Variants in AAMDC observed in about 807,000 individuals in gnomAD.
The protein encoded by AAMDC is mth938 domain-containing protein.
AAMDC carries 16 observed loss-of-function variants against 15.5 expected under a neutral mutation model. The observed-to-expected ratio is 1.03, with a 90% CI of 0.70 to 1.57. The LOEUF is 1.57. AAMDC is among the 40% of genes most tolerant of loss of function. AAMDC has a pLI of 0.00. For missense variants in AAMDC, 141 were observed against 144.9 expected (o/e 0.97, Z 0.14); for synonymous variants, 51 against 51.6 (o/e 0.99, Z 0.05).
intron 2 of AAMDC, among the ~76,000 whole-genome samples, chr11:77,868,290 C>T (rs1223603957): frequency 1.3e-5 from 2 of 151,132 alleles, no homozygotes; most frequent in Non-Finnish European, 2.9e-5. Context: ...CTCCTGACCT[C>T]GTGATCCACC....
chr11:77,882,104 T>G (rs943348993), intron 5 of AAMDC, among the ~76,000 whole-genome samples: 3 of 152,058 alleles, frequency 2.0e-5, no homozygotes, highest in African/African-American at 7.2e-5. Flanking sequence ...ATTGTAGAGA[T>G]AGGGTTGCCC....
downstream of AAMDC, among the ~76,000 whole-genome samples, chr11:77,876,628 G>A (rs1387048573): frequency 1.3e-5 from 2 of 152,054 alleles, no homozygotes; most frequent in African/African-American, 4.8e-5. Context: ...AGTACAGCCC[G>A]TTCAATTCTT....
intron 5 of AAMDC, among the ~76,000 whole-genome samples, chr11:77,899,959 A>C (rs1414999907): frequency 1.3e-5 from 2 of 152,130 alleles, no homozygotes; most frequent in East Asian, 3.8e-4. Context: ...GTAATATTTT[A>C]ATTTTTCTAA....
intron 1 of AAMDC, chr11:77,841,063 G>T: frequency 1.6e-6 from 1 of 625,618 alleles, no homozygotes; most frequent in South Asian, 1.8e-5. Flanking sequence ...CGCATCTGGT[G>T]AGAGCCTTCT....
intron 2 of AAMDC, among the ~76,000 whole-genome samples, chr11:77,847,899 T>C (rs1950208844): frequency 6.6e-6 from 1 of 152,036 alleles, no homozygotes; most frequent in Non-Finnish European, 1.5e-5. Context: ...AAGGTTTAAA[T>C]CCCAGTCCAA....
Position 77,842,564 on chromosome 11 carries a change from A to G in AAMDC, c.68A>G (p.Tyr23Cys). ...AAAGTAAAAGGCTCTAATACAACCT[A>G]TAAGGACTGCAAAGTATGGCCAGGG... ...QMKVKGSNTT[Y>C]KDCKVWPGGS... is the part of the protein sequence containing the mutation. Residue 23 changes from tyrosine (Y) to cysteine (C), a missense_variant, in exon 2 of 4, where the codon TAT (tyrosine) becomes TGT (cysteine). Tyr to Cys is a radical substitution (Grantham distance 194). Coordinates refer to ENST00000393427, the MANE Select transcript of AAMDC (RefSeq NM_024684.4). 1 of 1,614,058 alleles carries G rather than the reference A, an allele frequency of 6.2e-7. No homozygotes were observed.
intron 2 of AAMDC, among the ~76,000 whole-genome samples, chr11:77,864,654 T>C (rs1590969120): frequency 6.6e-6 from 1 of 152,150 alleles, no homozygotes; most frequent in African/African-American, 2.4e-5. Flanking sequence ...TCCTATCTCA[T>C]GTACAATCCA....
chr11:77,861,814 G>A (rs568874009), intron 2 of AAMDC, among the ~76,000 whole-genome samples: 30 of 152,082 alleles, frequency 2.0e-4, no homozygotes, highest in Non-Finnish European at 3.7e-4. Context: ...CATTTGTCCC[G>A]TTCTGCCTGC....
At chr11:77,867,994 G>A (rs1269387019) in intron 2 of AAMDC, among the ~76,000 whole-genome samples, 4 of 151,354 alleles carry the variant, frequency 2.6e-5, no homozygotes, top group Non-Finnish European at 4.4e-5. Context: ...CACCTCATCT[G>A]TCACTCTACA....
chr11:77,901,402 G>C (rs1431945346), downstream of AAMDC: 1 of 1,613,456 alleles, frequency 6.2e-7, no homozygotes, highest in Non-Finnish European at 8.5e-7. Context: ...CACATATTTT[G>C]GCCAACCCCA....
chr11:77,841,784 T>C (rs1296135148), intron 1 of AAMDC, among the ~76,000 whole-genome samples: 2 of 152,172 alleles, frequency 1.3e-5, no homozygotes, highest in African/African-American at 2.4e-5. Flanking sequence ...CCCACCTAGT[T>C]TGCCAATCCA....
chr11:77,888,051 T>C (rs896034435), intron 5 of AAMDC, among the ~76,000 whole-genome samples: 5 of 152,268 alleles, frequency 3.3e-5, no homozygotes, highest in African/African-American at 1.2e-4. Context: ...AATGACTTTC[T>C]TCACAGAATT....
chr11:77,845,364 T>G (rs1950100152), intron 2 of AAMDC, among the ~76,000 whole-genome samples: 2 of 152,182 alleles, frequency 1.3e-5, no homozygotes, highest in Admixed American at 6.6e-5. Flanking sequence ...TATCTGCTGT[T>G]GAGCCCCTGT....
chr11:77,902,379 T>C (rs1037226301), downstream of AAMDC, among the ~76,000 whole-genome samples: 3 of 152,226 alleles, frequency 2.0e-5, no homozygotes, highest in Non-Finnish European at 1.5e-5. Flanking sequence ...CCTTCCAATG[T>C]GGCTCAATTA....
chr11:77,897,913 A>T (rs890272188), intron 5 of AAMDC, among the ~76,000 whole-genome samples: 7 of 151,932 alleles, frequency 4.6e-5, no homozygotes, highest in Admixed American at 4.6e-4. Flanking sequence ...GGCTCAAGGG[A>T]TCCTCCCACC....
chr11:77,878,162 A>T (rs1590987891), intron 5 of AAMDC, among the ~76,000 whole-genome samples: 1 of 152,072 alleles, frequency 6.6e-6, no homozygotes, highest in South Asian at 2.1e-4. Context: ...GGAGATCAAG[A>T]CCATCCTGGC....
chr11:77,843,614 T>C (rs1950023856), intron 2 of AAMDC, among the ~76,000 whole-genome samples: 1 of 152,178 alleles, frequency 6.6e-6, no homozygotes, highest in Non-Finnish European at 1.5e-5. Flanking sequence ...AATATCTCAA[T>C]GAGTTCTGGC....
At chr11:77,868,958 A>T (rs908128172) in intron 2 of AAMDC, 4 of 266,266 alleles carry the variant, frequency 1.5e-5, no homozygotes, top group African/African-American at 9.1e-5. Context: ...CCTGTAACTT[A>T]TTTGTTTACA....
chr11:77,828,069 T>A (rs989402164), intron 1 of AAMDC, among the ~76,000 whole-genome samples: 2 of 151,888 alleles, frequency 1.3e-5, no homozygotes, highest in Non-Finnish European at 2.9e-5. Context: ...GGCCAGGAGT[T>A]CAATACCAGC....
Sources: gnomAD v4.1 joint callset for allele counts (sites outside exome capture counted in the v4.1 genomes callset) on GRCh38, gnomAD v4.1.1 for gene constraint, MANE v1.5 for transcripts, NCBI Gene and HGNC (gene_info 2026-07-23, HGNC 2026-07-21) for gene names.